CDH18: variants seen among roughly 807,000 people sequenced by gnomAD.
The protein encoded by CDH18 is cadherin-18.
In CDH18, 31 loss-of-function variants were observed where a neutral mutation model predicts 67.9. The observed-to-expected ratio is 0.46, with a 90% confidence interval of 0.34 to 0.62. CDH18 has a LOEUF of 0.62. Ranked by LOEUF, CDH18 falls within the 20% of genes least tolerant of loss-of-function variation. CDH18 has a pLI of 0.01. For synonymous variants in CDH18, 362 were observed against 347.2 expected (o/e 1.04, Z -0.48); for missense variants, 890 against 975.5 (o/e 0.91, Z 1.17).
At chr5:19,733,644 G>A (rs577391871) in intron 4 of CDH18, among the ~76,000 whole-genome samples, 55 of 152,254 alleles carry the variant, frequency 3.6e-4, no homozygotes, top group South Asian at 8.3e-4. Flanking sequence ...GAGGGCAGCC[G>A]CCTCGTATGA....
chr5:20,338,415 G>A (rs2150039186), intron 1 of CDH18, among the ~76,000 whole-genome samples: 1 of 152,256 alleles, frequency 6.6e-6, no homozygotes, highest in Non-Finnish European at 1.5e-5. Context: ...TTTCCTTGGG[G>A]AGCTTCATCA....
At chr5:19,900,034 A>G (rs549193546) in intron 2 of CDH18, among the ~76,000 whole-genome samples, 1 of 152,282 alleles carries the variant, frequency 6.6e-6, no homozygotes, top group East Asian at 1.9e-4. Context: ...CCTATAGGTA[A>G]AAATACTGTA....
chr5:19,711,825 C>A (rs546969907), intron 5 of CDH18, among the ~76,000 whole-genome samples: 2 of 152,004 alleles, frequency 1.3e-5, no homozygotes, highest in African/African-American at 4.8e-5. Context: ...TACTACTACC[C>A]AAAGAAAATG....
At chr5:20,540,583 A>G (rs1448091089) in intron 1 of CDH18, among the ~76,000 whole-genome samples, 1 of 152,170 alleles carries the variant, frequency 6.6e-6, no homozygotes, top group Non-Finnish European at 1.5e-5. Context: ...TTGAGTGACT[A>G]TAAAGAATGG....
At chr5:19,800,327 T>A (rs1777321999) in intron 3 of CDH18, among the ~76,000 whole-genome samples, 1 of 152,182 alleles carries the variant, frequency 6.6e-6, no homozygotes, top group South Asian at 2.1e-4. Context: ...ATTTAGCACG[T>A]AGTCATAAAC....
rs1326339318 is a variant in CDH18, at chr5:20,529,539, C to T, written c.-580+45923G>A. On this transcript the variant is annotated intron_variant, in intron 1 of 14. Transcript: ENST00000507958. Reference sequence around the variant, plus strand: ...AGCAGCACGTCTAAAAGCTTATCCACCACAATCAAGTTGGCTTCATCCCCA... The same window carrying T: ...AGCAGCACGTCTAAAAGCTTATCCATCACAATCAAGTTGGCTTCATCCCCA... 5.3e-5 allele frequency among the ~76,000 whole-genome samples: 8 copies of T among 152,160 alleles called. No individual in the cohort carries two copies. The South Asian group carries it at 8.3e-4, about 16-fold the overall frequency.
intron 11 of CDH18, among the ~76,000 whole-genome samples, chr5:19,494,473 C>A (rs928495220): frequency 6.6e-6 from 1 of 152,156 alleles, no homozygotes; most frequent in Non-Finnish European, 1.5e-5. Flanking sequence ...AGTCTAACTC[C>A]GAAACATTCT....
chr5:19,890,597 AT>A (rs147714365), intron 2 of CDH18, among the ~76,000 whole-genome samples: 93 of 132,680 alleles, frequency 7.0e-4, no homozygotes, highest in African/African-American at 1.7e-3. Flanking sequence ...CCAGAACACC[AT>A]TTTTTTTTTT....
intron 1 of CDH18, among the ~76,000 whole-genome samples, chr5:20,450,022 G>T (rs1750307881): frequency 6.6e-6 from 1 of 151,600 alleles, no homozygotes; most frequent in Non-Finnish European, 1.5e-5. Flanking sequence ...ATATGTGTGT[G>T]TGTGTTATGT....
chr5:19,686,244 C>T (rs1205774605), intron 5 of CDH18, among the ~76,000 whole-genome samples: 1 of 152,058 alleles, frequency 6.6e-6, no homozygotes, highest in Non-Finnish European at 1.5e-5. Flanking sequence ...CACTAAAAAA[C>T]TTTGTACTAT....
intron 2 of CDH18, among the ~76,000 whole-genome samples, chr5:19,877,020 A>C (rs1405169432): frequency 6.6e-6 from 1 of 152,152 alleles, no homozygotes; most frequent in Non-Finnish European, 1.5e-5. Flanking sequence ...CCTTCGAAGA[A>C]GGCTGAGCCA....
At chr5:19,684,565 TC>T (rs2150396549) in intron 5 of CDH18, among the ~76,000 whole-genome samples, 1 of 151,512 alleles carries the variant, frequency 6.6e-6, no homozygotes, top group Admixed American at 6.6e-5. Context: ...TAGCTTTTTT[TC>T]AGATACAAAG....
At chr5:19,888,297 A>G (rs1788441847) in intron 2 of CDH18, among the ~76,000 whole-genome samples, 1 of 152,154 alleles carries the variant, frequency 6.6e-6, no homozygotes, top group African/African-American at 2.4e-5. Flanking sequence ...CTACAGACCT[A>G]TTTTGAAAGA....
At position 20,394,617 on chromosome 5, in the gene CDH18, G is replaced by A. The variant is rs6878764; in HGVS notation, c.-579-139112C>T. ...TTAAACTAGAAAGCTTCTGCATAGC[G>A]GAGAAATAGTCATCAGAGTGAACAT... is the stretch of plus-strand genomic sequence containing the variant. On this transcript the variant is annotated intron_variant, in intron 1 of 14. Coordinates refer to the CDH18 transcript ENST00000507958. 7.7e-3 allele frequency among the ~76,000 whole-genome samples: 1,168 copies of A among 152,028 alleles called. 12 individuals carry two copies. Among genetic ancestry groups the A allele is most frequent in the African/African-American group, 0.026 (1,089 of 41,512 alleles).
At chr5:19,962,794 T>A (rs1347646316) in intron 2 of CDH18, among the ~76,000 whole-genome samples, 1 of 151,952 alleles carries the variant, frequency 6.6e-6, no homozygotes, top group East Asian at 1.9e-4. Flanking sequence ...AATAAATACA[T>A]CTTAAGGAGA....
At chr5:20,395,350 A>G (rs918435654) in intron 1 of CDH18, among the ~76,000 whole-genome samples, 2 of 152,186 alleles carry the variant, frequency 1.3e-5, no homozygotes, top group Admixed American at 1.3e-4. Flanking sequence ...GTGAAAAACC[A>G]AATACCACGT....
At chr5:20,250,278 T>A (rs536090286) in intron 2 of CDH18, among the ~76,000 whole-genome samples, 128 of 112,466 alleles carry the variant, frequency 1.1e-3, no homozygotes, top group African/African-American at 4.8e-3. Context: ...CTGACAATTT[T>A]ATTTTTTTTT....
intron 1 of CDH18, among the ~76,000 whole-genome samples, chr5:20,351,194 G>GCA (rs1741153951): frequency 9.1e-6 from 1 of 109,696 alleles, no homozygotes; most frequent in Non-Finnish European, 2.2e-5. Flanking sequence ...GTGTGTGTGC[G>GCA]TGTGTGTTAT....
At chr5:19,929,548 T>A (rs2150194094) in intron 2 of CDH18, among the ~76,000 whole-genome samples, 1 of 152,256 alleles carries the variant, frequency 6.6e-6, no homozygotes, top group Middle Eastern at 3.4e-3. Flanking sequence ...AGTATTTTCA[T>A]ACCCTTGCAA....
Sources: gnomAD v4.1 joint callset for allele counts (sites outside exome capture counted in the v4.1 genomes callset) on GRCh38, gnomAD v4.1.1 for gene constraint, MANE v1.5 for transcripts, NCBI Gene and HGNC (gene_info 2026-07-23, HGNC 2026-07-21) for gene names.